The following KIAA1217 variants were observed in gnomAD, a reference collection of about 807,000 sequenced individuals.
The protein encoded by KIAA1217 is KIAA1217.
KIAA1217 carries 88 observed loss-of-function variants against 163.9 expected under a neutral mutation model. The ratio of observed to expected loss-of-function variants is 0.54; its 90% CI spans 0.45 to 0.64. The LOEUF is 0.64. Ranked by LOEUF, KIAA1217 falls within the 30% of genes least tolerant of loss-of-function variation. The pLI is 0.00. For missense variants in KIAA1217, 2,372 were observed against 2,475.0 expected, an observed-to-expected ratio of 0.96 and a Z score of 0.88; for synonymous variants, 903 against 923.1, an observed-to-expected ratio of 0.98 and a Z score of 0.39.
At chr10:24,479,831 C>G (rs2064442214) in intron 6 of KIAA1217, among the ~76,000 whole-genome samples, 1 of 152,102 alleles carries the variant, frequency 6.6e-6, no homozygotes, top group African/African-American at 2.4e-5. Context: ...ACAACTCACT[C>G]TCATGGGAAC....
chr10:24,141,365 C>G (rs1325158761), intron 2 of KIAA1217, among the ~76,000 whole-genome samples: 1 of 151,958 alleles, frequency 6.6e-6, no homozygotes, highest in East Asian at 1.9e-4. Context: ...TTCTTTCTCT[C>G]TCTCCATTTT....
intron 2 of KIAA1217, among the ~76,000 whole-genome samples, chr10:24,327,267 T>C (rs540253238): frequency 1.3e-5 from 2 of 152,338 alleles, no homozygotes; most frequent in South Asian, 2.1e-4. Flanking sequence ...TATAAGTTCA[T>C]TGGGTTACCA....
intron 16 of KIAA1217, among the ~76,000 whole-genome samples, chr10:24,535,085 T>C (rs2073801419): frequency 6.6e-6 from 1 of 152,176 alleles, no homozygotes; most frequent in African/African-American, 2.4e-5. Flanking sequence ...CTAAGGACAG[T>C]TGTGGAACCA....
At chr10:24,336,933 T>C (rs1474294189) in intron 2 of KIAA1217, among the ~76,000 whole-genome samples, 1 of 152,122 alleles carries the variant, frequency 6.6e-6, no homozygotes, top group African/African-American at 2.4e-5. Context: ...AACATCTAAA[T>C]ATAAGAGCTA....
At chr10:23,893,981 G>A (rs970508564) in intron 1 of KIAA1217, among the ~76,000 whole-genome samples, 22 of 152,034 alleles carry the variant, frequency 1.4e-4, no homozygotes, top group Middle Eastern at 3.4e-3. Context: ...GTATTGATGG[G>A]ATGTATCTCA....
intron 1 of KIAA1217, among the ~76,000 whole-genome samples, chr10:23,810,304 A>T (rs1299726197): frequency 2.0e-5 from 3 of 148,184 alleles, no homozygotes; most frequent in Non-Finnish European, 4.5e-5. Context: ...GCTATATAGT[A>T]TATATGTGTA....
At chr10:24,177,467 C>A (rs2065966144) in intron 2 of KIAA1217, among the ~76,000 whole-genome samples, 1 of 150,144 alleles carries the variant, frequency 6.7e-6, no homozygotes, top group Non-Finnish European at 1.5e-5. Context: ...AATTGTGTTG[C>A]TATAAACATG....
chr10:23,844,010 C>T (rs907871362), intron 1 of KIAA1217, among the ~76,000 whole-genome samples: 26 of 152,190 alleles, frequency 1.7e-4, no homozygotes, highest in Middle Eastern at 3.4e-3. Flanking sequence ...ATTAATACAC[C>T]ATTATATGTT....
rs887745470 is a variant in KIAA1217 at position 24,309,349 on chromosome 10, C to A, written c.355-71520C>A. On this transcript the variant is annotated intron_variant, in intron 2 of 20. Transcript: ENST00000376454. ...ACAAATAGGCGCGCGCACGCGCGCG[C>A]GCACACACACACACACACACACACA... Among the ~76,000 whole-genome samples the A allele has an allele frequency of 9.1e-4, 113 of 124,826 alleles. 1 individual carries two copies. Among genetic ancestry groups the A allele is most frequent in the African/African-American group, 3.6e-3 (109 of 30,278 alleles). 81.9% of individuals were successfully genotyped at this position (124,826 alleles called of 152,430 possible).
intron 1 of KIAA1217, among the ~76,000 whole-genome samples, chr10:24,215,839 G>A (rs2068749144): frequency 6.6e-6 from 1 of 152,188 alleles, no homozygotes; most frequent in Non-Finnish European, 1.5e-5. Flanking sequence ...TAGGAGGGGA[G>A]GCAGACAGGA....
chr10:23,879,503 G>A lies in KIAA1217; in HGVS notation c.-320-127722G>A, dbSNP rs141897291. On this transcript the variant is annotated intron_variant, in intron 1 of 18. Transcript: ENST00000376462. ...AGGGGTGATTAAATATATCAACAATGCAGACACGTCAAACCAATGAAGACT... is the reference window on the plus strand; with the variant it reads ...AGGGGTGATTAAATATATCAACAATACAGACACGTCAAACCAATGAAGACT... 8.9e-4 allele frequency among the ~76,000 whole-genome samples: 135 copies of A among 151,992 alleles called. 1 individual carries two copies. The highest frequency in any genetic ancestry group is 3.1e-3 in the African/African-American group (130 of 41,522).
chr10:24,233,150 A>C (rs2071693803), intron 2 of KIAA1217, among the ~76,000 whole-genome samples: 1 of 151,860 alleles, frequency 6.6e-6, no homozygotes, highest in South Asian at 2.1e-4. Flanking sequence ...TAAAAATAAA[A>C]AGTACAAAAC....
chr10:24,221,608 A>T (rs1452212826), intron 2 of KIAA1217, among the ~76,000 whole-genome samples: 1 of 152,206 alleles, frequency 6.6e-6, no homozygotes. Context: ...AGTGGCTAAA[A>T]ATGTGAAACG....
At chr10:24,360,499 A>G (rs1273868323) in intron 2 of KIAA1217, among the ~76,000 whole-genome samples, 3 of 152,190 alleles carry the variant, frequency 2.0e-5, no homozygotes, top group African/African-American at 4.8e-5. Context: ...GGCTTTAACT[A>G]TGCAAGCAGT....
chr10:24,341,331 T>G (rs220346), intron 2 of KIAA1217, among the ~76,000 whole-genome samples: 52,682 of 151,758 alleles, frequency 0.35, 9,819 homozygotes, highest in Non-Finnish European at 0.43. Context: ...TGGAAATCAG[T>G]AGGTCAGTTG....
chr10:24,099,090 T>A (rs772312471), intron 2 of KIAA1217, among the ~76,000 whole-genome samples: 1 of 152,086 alleles, frequency 6.6e-6, no homozygotes, highest in Non-Finnish European at 1.5e-5. Flanking sequence ...GTCCCCACCC[T>A]TGTTTGGGCA....
intron 2 of KIAA1217, among the ~76,000 whole-genome samples, chr10:24,046,124 G>T (rs542259456): frequency 1.0e-3 from 151 of 151,644 alleles, no homozygotes; most frequent in Middle Eastern, 3.4e-3. Context: ...TTTTAGTTAT[G>T]TTTAACTTTT....
intron 3 of KIAA1217, among the ~76,000 whole-genome samples, chr10:24,386,284 G>A (rs1395163589): frequency 2.0e-5 from 3 of 152,150 alleles, no homozygotes; most frequent in Admixed American, 1.3e-4. Flanking sequence ...GTTCCTCAGG[G>A]GGACGAATTA....
chr10:24,390,818 C>T (rs1030282442), intron 3 of KIAA1217, among the ~76,000 whole-genome samples: 1 of 152,090 alleles, frequency 6.6e-6, no homozygotes, highest in African/African-American at 2.4e-5. Context: ...ACAAGCATCC[C>T]CCCAGTTTGT....
Sources: allele counts gnomAD v4.1 joint callset (sites outside exome capture counted in the v4.1 genomes callset), GRCh38; gene constraint gnomAD v4.1.1; transcripts MANE v1.5; gene names NCBI Gene and HGNC (gene_info 2026-07-23, HGNC 2026-07-21).